NUP188: variants seen among roughly 807,000 people sequenced by gnomAD.
NUP188 encodes the protein nucleoporin NUP188.
NUP188 carries 97 observed loss-of-function variants against 223.0 expected under a neutral mutation model. The ratio of observed to expected loss-of-function variants is 0.43; its 90% CI spans 0.37 to 0.51. The LOEUF (loss-of-function observed/expected upper bound fraction) is 0.51, where lower values mean the gene tolerates loss of function less well. Ranked by LOEUF, NUP188 falls within the 20% of genes least tolerant of loss-of-function variation. The probability of loss-of-function intolerance (pLI) is 0.00; values close to 1 mark genes in which losing one functional copy is unlikely to be tolerated. For synonymous variants in NUP188, 869 were observed against 828.0 expected, an observed-to-expected ratio of 1.05 and a Z score of -0.85; for missense variants, 1,947 against 2,175.6, an observed-to-expected ratio of 0.89 and a Z score of 2.09.
At chr9:128,987,127 GTGTGTA>G (rs1842348417) in intron 22 of NUP188, among the ~76,000 whole-genome samples, 2 of 148,028 alleles carry the variant, frequency 1.4e-5, no homozygotes, top group Middle Eastern at 3.5e-3. Flanking sequence ...GTGTGTGTGT[GTGTGTA>G]TGTGTATACA....
intron 12 of NUP188, 104 bp downstream of exon 12, chr9:128,973,353 A>C: frequency 1.4e-6 from 1 of 713,864 alleles, no homozygotes; most frequent in Non-Finnish European, 2.3e-6. Flanking sequence ...TCATGTGTTA[A>C]TTTGTTTACT....
intron 2 of NUP188, among the ~76,000 whole-genome samples, chr9:128,952,109 A>G (rs1300843912): frequency 6.6e-6 from 1 of 152,146 alleles, no homozygotes; most frequent in Non-Finnish European, 1.5e-5. Context: ...GATTATTAAT[A>G]AAACTGCATT....
intron 30 of NUP188, among the ~76,000 whole-genome samples, chr9:128,996,578 G>A (rs996116222): frequency 3.9e-5 from 6 of 152,130 alleles, no homozygotes; most frequent in African/African-American, 1.4e-4. Context: ...TTTGAGCCTA[G>A]GAGGGGCAGG....
chr9:128,994,962 G>A, intron 29 of NUP188, 39 bp downstream of exon 29: 1 of 1,484,774 alleles, frequency 6.7e-7, no homozygotes, highest in Non-Finnish European at 9.4e-7. Context: ...ACTGAAGGTT[G>A]GGGGAGTGGG....
At chr9:128,979,372 A>C in intron 13 of NUP188, 45 bp downstream of exon 13, 1 of 1,400,702 alleles carries the variant, frequency 7.1e-7, no homozygotes, top group African/African-American at 1.4e-5. Context: ...AGAATTGTTC[A>C]AACACTTGTT....
chr9:128,993,201 C>T lies in NUP188; in HGVS notation c.2645C>T (p.Ala882Val). 1.2e-6 allele frequency: 2 copies of T among 1,613,822 alleles called. No individual in the cohort carries two copies. The highest frequency in any genetic ancestry group is 1.7e-6 in the Non-Finnish European group (2 of 1,179,712). Residue 882 changes from alanine to valine, a missense_variant, in exon 26 of 44, where the codon GCC becomes GTC. Transcript: ENST00000372577. ...GTGTGTTCCGGTCTCCACCAGGTGGCCCCAATGTCAGTGTATGCTTGTCTG... is the reference window on the plus strand; with the variant it reads ...GTGTGTTCCGGTCTCCACCAGGTGGTCCCAATGTCAGTGTATGCTTGTCTG... The part of the protein sequence containing the change: ...IQLLKRLATV[A>V]PMSVYACLGN...
chr9:128,994,953 C>G (rs534196951), intron 29 of NUP188, 30 bp downstream of exon 29: 31 of 1,545,140 alleles, frequency 2.0e-5, no homozygotes, highest in Middle Eastern at 3.4e-4. Flanking sequence ...GAGATTTTAA[C>G]TGAAGGTTGG....
chr9:128,994,986 C>A, intron 29 of NUP188, 63 bp downstream of exon 29: 1 of 1,231,898 alleles, frequency 8.1e-7, no homozygotes, highest in Non-Finnish European at 1.2e-6. Context: ...TGGTGGCCTA[C>A]CACTGGGTGC....
chr9:129,002,055 C>T (rs1355304974), intron 36 of NUP188, 79 bp downstream of exon 36: 3 of 1,170,526 alleles, frequency 2.6e-6, no homozygotes, highest in Non-Finnish European at 3.8e-6. Context: ...CCCTACCTTT[C>T]CCCGGAAGTT....
intron 11 of NUP188, among the ~76,000 whole-genome samples, 200 bp downstream of exon 11, chr9:128,971,158 A>G (rs2131155825): frequency 6.6e-6 from 1 of 152,328 alleles, no homozygotes; most frequent in African/African-American, 2.4e-5. Context: ...TTCGTGTTAA[A>G]GATTATCATT....
chr9:129,003,155 G>C (rs1842705408), intron 37 of NUP188, among the ~76,000 whole-genome samples, 162 bp from the exon 38 acceptor site: 1 of 152,220 alleles, frequency 6.6e-6, no homozygotes, highest in Non-Finnish European at 1.5e-5. Context: ...CTGAAGGACG[G>C]GAACGGTCTC....
At chr9:129,001,388 G>A (rs746794687) in intron 34 of NUP188, 141 bp from the exon 35 acceptor site, 81 of 687,304 alleles carry the variant, frequency 1.2e-4, no homozygotes, top group Non-Finnish European at 2.0e-4. Flanking sequence ...GTGGGAGAGA[G>A]TGTGCATTCT....
rs1564566854 is a variant in NUP188 at position 128,999,812 on chromosome 9, C to G, written c.3843+7C>G. 6.2e-7 allele frequency: 1 copy of G among 1,613,844 alleles called. No individual in the cohort carries two copies. The highest frequency in any genetic ancestry group is 2.2e-5 in the East Asian group (1 of 44,880). On this transcript the variant is annotated splice_region_variant and intron_variant, in intron 34 of 43. Coordinates refer to ENST00000372577, the MANE Select transcript of NUP188 (RefSeq NM_015354.3). ...CAGGGACCAGCGTGATGGGGTGAGA[C>G]AGTGCCCTAGAAGGCCATCCGTCCT...
intron 10 of NUP188, 68 bp downstream of exon 10, chr9:128,969,582 T>C (rs933248400): frequency 1.2e-6 from 1 of 817,262 alleles, no homozygotes; most frequent in African/African-American, 1.8e-5. Context: ...ATTATTGAAC[T>C]GCTGCATAAA....
Position 128,995,458 on chromosome 9 carries a change from G to C in NUP188, c.3295G>C (p.Glu1099Gln). 6.2e-7 allele frequency: 1 copy of C among 1,613,220 alleles called. No homozygotes were observed. The highest frequency in any genetic ancestry group is 8.5e-7 in the Non-Finnish European group (1 of 1,179,578). ...TEGSSCTSLL[E>Q]YQMLVSAWRM... ...AGGCAGCAGCTGCACCTCCTTGTTA[G>C]AGTACCAGATGCTGGTGTCCGCCTG... The change falls in exon 30 of 44, where the codon GAG becomes CAG. Residue 1099 changes from glutamate (E) to glutamine (Q), a missense_variant. Coordinates refer to ENST00000372577, the MANE Select transcript of NUP188 (RefSeq NM_015354.3).
chr9:128,995,012 A>G, intron 29 of NUP188, 89 bp downstream of exon 29: 1 of 969,896 alleles, frequency 1.0e-6, no homozygotes. Flanking sequence ...TGGAAGAGCC[A>G]AGGCAGAGGA....
chr9:128,997,602 A>C (rs2131184579), intron 30 of NUP188, among the ~76,000 whole-genome samples: 1 of 151,468 alleles, frequency 6.6e-6, no homozygotes, highest in Non-Finnish European at 1.5e-5. Flanking sequence ...TGATCTTCCC[A>C]CCTCAGCCTC....
intron 8 of NUP188, among the ~76,000 whole-genome samples, chr9:128,959,825 A>G (rs1841922081): frequency 6.6e-6 from 1 of 152,146 alleles, no homozygotes; most frequent in Admixed American, 6.6e-5. Context: ...GGCATGAGCC[A>G]CTGTGCCTGA....
chr9:128,968,613 C>G lies in NUP188; in HGVS notation c.693C>G (p.Asp231Glu), dbSNP rs1327520418. 1 of 1,613,882 alleles carries G rather than the reference C, an allele frequency of 6.2e-7. No homozygotes were observed. Among genetic ancestry groups the G allele is most frequent in the African/African-American group, 1.3e-5 (1 of 74,912 alleles). Residue 231 changes from aspartate to glutamate, a missense_variant, in exon 9 of 44, where the codon GAC (aspartate) becomes GAG (glutamate). This residue lies in a region of NUP188 where 817 missense variants were observed against 865.8 expected (regional missense o/e 0.94). Transcript: ENST00000372577. ...CATACTTTGAGATGGCACCCAGTGA[C>G]TTACTTGTATTAACCAAGATGTTTA... ...YYAYFEMAPSDLLVLTKMFKE... is the reference protein window; with the variant it reads ...YYAYFEMAPSELLVLTKMFKE...
Sources: gnomAD v4.1 joint callset for allele counts (sites outside exome capture counted in the v4.1 genomes callset) on GRCh38, gnomAD v4.1.1 for gene constraint, gnomAD v4.1.1 regional missense constraint, MANE v1.5 for transcripts, NCBI Gene and HGNC (gene_info 2026-07-23, HGNC 2026-07-21) for gene names.